SNRPC: variants seen among roughly 807,000 people sequenced by gnomAD.
The protein encoded by SNRPC is U1 small nuclear ribonucleoprotein C.
SNRPC carries 5 observed loss-of-function variants against 20.0 expected under a neutral mutation model. The observed-to-expected ratio is 0.25, with a 90% CI of 0.13 to 0.53. SNRPC has a LOEUF of 0.53. Ranked by LOEUF, SNRPC falls within the 20% of genes least tolerant of loss-of-function variation. SNRPC has a pLI of 0.96. For synonymous variants in SNRPC, 61 were observed against 58.7 expected (o/e 1.04, Z -0.18); for missense variants, 112 against 224.1 (o/e 0.50, Z 3.19).
intron 2 of SNRPC, among the ~76,000 whole-genome samples, chr6:34,760,476 T>C (rs9462014): frequency 0.22 from 33,175 of 152,008 alleles, 4,414 homozygotes; most frequent in African/African-American, 0.37. Flanking sequence ...TAGTCCTTTT[T>C]TTACCCCTCT....
intron 3 of SNRPC, 59 bp from the exon 4 acceptor site, chr6:34,767,849 T>A: frequency 6.6e-7 from 1 of 1,506,818 alleles, no homozygotes; most frequent in Admixed American, 2.3e-5. Context: ...TTATTTTAGT[T>A]ACTGGATTGT....
rs1764712713 is a variant in SNRPC, at chr6:34,773,385, C to T, written c.356-61C>T. ...TGTTTTTAATTGAAGTCCCATCAAA[C>T]TCTCCCTAAATCGTATTTTCTGACT... On this transcript the variant is annotated intron_variant, in intron 5 of 5. Coordinates refer to ENST00000244520, the MANE Select transcript of SNRPC (RefSeq NM_003093.3). This position sits in a 1 kb window ranked among gnomAD's most constrained non-coding sequence, Gnocchi z 4.1. 6.6e-7 allele frequency: 1 copy of T among 1,524,090 alleles called. No individual in the cohort carries two copies. Among genetic ancestry groups the T allele is most frequent in the Admixed American group, 1.8e-5 (1 of 54,766 alleles). The allele number at this position is 1,524,090 out of a possible 1,614,324, so 94.4% of individuals were successfully genotyped here.
At chr6:34,757,585 A>G in intron 1 of SNRPC, 34 bp downstream of exon 1, 1 of 1,607,372 alleles carries the variant, frequency 6.2e-7, no homozygotes, top group Non-Finnish European at 8.5e-7. Flanking sequence ...GGGTGATCGT[A>G]GTCACTAGTT....
In SNRPC at chr6:34,773,680, T is replaced by C. The variant is rs1379324820; in HGVS notation, c.*110T>C. 3 of 892,722 alleles carry C rather than the reference T, an allele frequency of 3.4e-6. No homozygotes were observed. The highest frequency in any genetic ancestry group is 3.3e-5 in the African/African-American group (2 of 60,924). 55.3% of individuals were successfully genotyped at this position (892,722 alleles called of 1,614,324 possible). On this transcript the variant is annotated 3_prime_UTR_variant, in exon 6 of 6. Transcript: ENST00000244520. This position sits in a 1 kb window ranked among gnomAD's most constrained non-coding sequence, Gnocchi z 4.1. The stretch of plus-strand genomic sequence containing the variant: ...TCTAAACAGCATAAGGAAGACTTGC[T>C]CCCCTGTCCTATGAAAGAGAATAGT...
intron 5 of SNRPC, among the ~76,000 whole-genome samples, chr6:34,771,324 G>C (rs1280006881): frequency 8.7e-6 from 1 of 114,880 alleles, no homozygotes; most frequent in African/African-American, 4.0e-5. Flanking sequence ...GTGAGACTGT[G>C]TCTCAAAAAA....
chr6:34,770,199 G>A (rs1172291659), intron 4 of SNRPC, 92 bp from the exon 5 acceptor site: 9 of 950,852 alleles, frequency 9.5e-6, no homozygotes, highest in Non-Finnish European at 1.5e-5. Flanking sequence ...TCCGGCCTGG[G>A]CAACAAGAAC....
At chr6:34,766,844 T>C (rs2127407083) in intron 3 of SNRPC, among the ~76,000 whole-genome samples, 1 of 152,346 alleles carries the variant, frequency 6.6e-6, no homozygotes, top group Non-Finnish European at 1.5e-5. Context: ...GAATTATCAA[T>C]AATTGATGAG....
chr6:34,770,203 C>A, intron 4 of SNRPC, 88 bp from the exon 5 acceptor site: 3 of 1,008,606 alleles, frequency 3.0e-6, no homozygotes, highest in South Asian at 2.6e-5. Flanking sequence ...GCCTGGGCAA[C>A]AAGAACGAAA....
intron 2 of SNRPC, among the ~76,000 whole-genome samples, chr6:34,760,111 CTTT>C (rs201265600): frequency 3.2e-5 from 4 of 123,370 alleles, no homozygotes; most frequent in Admixed American, 8.4e-5. Context: ...TGTATATTAT[CTTT>C]TTTTTTTTTT....
intron 3 of SNRPC, among the ~76,000 whole-genome samples, chr6:34,764,997 G>A (rs1764595649): frequency 6.6e-6 from 1 of 152,094 alleles, no homozygotes; most frequent in South Asian, 2.1e-4. Flanking sequence ...TTCCAGCCTG[G>A]GCAACAGAGC....
In SNRPC at chr6:34,766,104, T is replaced by C. The variant is rs182439366; in HGVS notation, c.161-1804T>C. Among the ~76,000 whole-genome samples, 269 of 152,318 alleles carry C rather than the reference T, an allele frequency of 1.8e-3. 1 individual carries two copies. The highest frequency in any genetic ancestry group is 6.1e-3 in the African/African-American group (252 of 41,584). On this transcript the variant is annotated intron_variant, in intron 3 of 5. Transcript: ENST00000244520. ...AATCTTGTCTCCTTATTTGAAAAGATGTTAGAAATTTCTTGGCATTAAAAG... is the reference window on the plus strand; with the variant it reads ...AATCTTGTCTCCTTATTTGAAAAGACGTTAGAAATTTCTTGGCATTAAAAG...
intron 3 of SNRPC, among the ~76,000 whole-genome samples, chr6:34,763,678 CAA>C (rs71538265): frequency 3.9e-5 from 5 of 128,436 alleles, no homozygotes; most frequent in South Asian, 2.6e-4. Context: ...GAGACTGTCT[CAA>C]AAAAAAAAAA....
chr6:34,758,627 T>G (rs1353891461), intron 2 of SNRPC, among the ~76,000 whole-genome samples: 2 of 151,652 alleles, frequency 1.3e-5, no homozygotes, highest in Non-Finnish European at 2.9e-5. Context: ...CCCCGTCTCT[T>G]AAAAAAAAAT....
rs371572218 is a variant in SNRPC, at chr6:34,767,875, C to CTTT, written c.161-18_161-16dup. On this transcript the variant is annotated intron_variant, in intron 3 of 5. Coordinates refer to ENST00000244520, the MANE Select transcript of SNRPC (RefSeq NM_003093.3). ...ACTGGATTGTTGAATTCTTATTCAT[C>CTTT]TTTTTTTTTTTTTTTTTCCTCACCC... is the stretch of plus-strand genomic sequence containing the variant. 1.5e-3 allele frequency: 2,059 copies of CTTT among 1,341,398 alleles called. 2 individuals carry two copies. The highest frequency in any genetic ancestry group is 5.4e-3 in the South Asian group (350 of 64,424). 83.1% of individuals were successfully genotyped at this position (1,341,398 alleles called of 1,614,324 possible).
rs957354422 is a variant in SNRPC, at chr6:34,762,779, A to G, written c.160+76A>G. On this transcript the variant is annotated intron_variant, in intron 3 of 5. Transcript: ENST00000244520. Reference sequence around the variant, plus strand: ...TATCCCTGTCTCTGGTGTTTTTCACAGAGGCAACTCATTCTGAATGATAAA... The same window carrying G: ...TATCCCTGTCTCTGGTGTTTTTCACGGAGGCAACTCATTCTGAATGATAAA... 1.7e-5 allele frequency: 13 copies of G among 748,258 alleles called. No homozygotes were observed. In the African/African-American group the frequency reaches 2.3e-4, roughly 13 times the overall value. The allele number at this position is 748,258 out of a possible 1,614,324, so 46.4% of individuals were successfully genotyped here.
At chr6:34,765,997 T>C (rs1446278546) in intron 3 of SNRPC, among the ~76,000 whole-genome samples, 2 of 151,942 alleles carry the variant, frequency 1.3e-5, no homozygotes, top group African/African-American at 4.8e-5. Flanking sequence ...TGCCTCGGCC[T>C]CCAGAAGTGT....
At chr6:34,771,681 C>A (rs141300815) in intron 5 of SNRPC, among the ~76,000 whole-genome samples, 272 of 152,124 alleles carry the variant, frequency 1.8e-3, no homozygotes, top group African/African-American at 6.0e-3. Context: ...CAGATGTGAC[C>A]AACACCTACA....
Position 34,773,779 on chromosome 6 carries a change from A to G in SNRPC, c.*209A>G, listed in dbSNP as rs374389948. The G allele has an allele frequency of 4.8e-6, 2 of 417,928 alleles. No homozygotes were observed. The highest frequency in any genetic ancestry group is 8.6e-6 in the Non-Finnish European group (2 of 233,242). The allele number at this position is 417,928 out of a possible 1,614,324, so 25.9% of individuals were successfully genotyped here. A position where few individuals can be genotyped will look rare whatever the true frequency, so the allele number is the denominator to read the frequency against. Reference sequence around the variant, plus strand: ...GGGAAATGTGAAAATAAAATTGTCAACTCTTTCAGTTAAAAGTGTGTTCCC... The same window carrying G: ...GGGAAATGTGAAAATAAAATTGTCAGCTCTTTCAGTTAAAAGTGTGTTCCC... On this transcript the variant is annotated 3_prime_UTR_variant, in exon 6 of 6. Transcript: ENST00000244520. This position sits in a 1 kb window ranked among gnomAD's most constrained non-coding sequence, Gnocchi z 4.1.
intron 3 of SNRPC, among the ~76,000 whole-genome samples, chr6:34,765,996 C>T (rs1764608803): frequency 6.6e-6 from 1 of 152,120 alleles, no homozygotes; most frequent in South Asian, 2.1e-4. Context: ...CTGCCTCGGC[C>T]TCCAGAAGTG....
Sources: gnomAD v4.1 joint callset for allele counts (sites outside exome capture counted in the v4.1 genomes callset) on GRCh38, gnomAD v4.1.1 for gene constraint, Gnocchi (gnomAD v3.1) non-coding constraint, MANE v1.5 for transcripts, NCBI Gene and HGNC (gene_info 2026-07-23, HGNC 2026-07-21) for gene names.